Variants in LSAMP observed in about 807,000 individuals in gnomAD.
The protein encoded by LSAMP is limbic system-associated membrane protein.
In LSAMP, 7 loss-of-function variants were observed where a neutral mutation model predicts 38.6. The ratio of observed to expected loss-of-function variants is 0.18; its 90% confidence interval spans 0.10 to 0.34. LSAMP has a LOEUF of 0.34. LSAMP is among the 10% of genes least tolerant of loss of function. The pLI, the probability that LSAMP is intolerant of heterozygous loss-of-function variation, is 1.00. For synonymous variants in LSAMP, 154 were observed against 166.8 expected (o/e 0.92, Z 0.59); for missense variants, 313 against 420.0 (o/e 0.75, Z 2.23).
intron 6 of LSAMP, among the ~76,000 whole-genome samples, chr3:115,835,521 T>C (rs759684165): frequency 6.6e-6 from 1 of 152,238 alleles, no homozygotes; most frequent in Non-Finnish European, 1.5e-5. Flanking sequence ...AATTATATGA[T>C]AGTGTAACAT....
chr3:116,055,975 C>T (rs1469226370), intron 2 of LSAMP, among the ~76,000 whole-genome samples: 4 of 151,598 alleles, frequency 2.6e-5, no homozygotes, highest in Admixed American at 2.6e-4. Flanking sequence ...TTTTTTTCCC[C>T]CAGCTCTTCT....
intron 1 of LSAMP, among the ~76,000 whole-genome samples, chr3:116,234,760 G>A (rs972291486): frequency 1.3e-5 from 2 of 152,020 alleles, no homozygotes; most frequent in South Asian, 2.1e-4. Context: ...TAGATTTCTT[G>A]ATGTTGCTAA....
intron 1 of LSAMP, among the ~76,000 whole-genome samples, chr3:116,309,546 C>A (rs2047528674): frequency 6.6e-6 from 1 of 152,072 alleles, no homozygotes; most frequent in South Asian, 2.1e-4. Context: ...TCTAACCAGT[C>A]CCTGTACTCA....
intron 1 of LSAMP, among the ~76,000 whole-genome samples, chr3:116,201,494 C>T (rs2045985427): frequency 6.6e-6 from 1 of 152,192 alleles, no homozygotes; most frequent in South Asian, 2.1e-4. Context: ...CAGAGTGCCC[C>T]AGTCGCCACA....
At chr3:116,286,778 G>A (rs972020465) in intron 1 of LSAMP, among the ~76,000 whole-genome samples, 2 of 151,738 alleles carry the variant, frequency 1.3e-5, no homozygotes, top group East Asian at 1.9e-4. Flanking sequence ...AATTATGTTT[G>A]GCATCTAGCA....
At chr3:115,908,649 G>T (rs1470888567) in intron 3 of LSAMP, among the ~76,000 whole-genome samples, 1 of 152,152 alleles carries the variant, frequency 6.6e-6, no homozygotes, top group East Asian at 1.9e-4. Flanking sequence ...CACAAAGGAA[G>T]AACATAGGAG....
chr3:116,210,508 C>T (rs2046141743), intron 1 of LSAMP, among the ~76,000 whole-genome samples: 1 of 152,164 alleles, frequency 6.6e-6, no homozygotes, highest in Non-Finnish European at 1.5e-5. Flanking sequence ...AGTGATTTGC[C>T]AGGAGCTCTC....
At chr3:116,162,797 A>ACACT (rs1709930695) in intron 1 of LSAMP, among the ~76,000 whole-genome samples, 1 of 148,448 alleles carries the variant, frequency 6.7e-6, no homozygotes, top group African/African-American at 2.5e-5. Flanking sequence ...ACACACACAC[A>ACACT]CTTTGCTTTC....
chr3:116,316,501 C>T (rs567099884), intron 1 of LSAMP, among the ~76,000 whole-genome samples: 7 of 152,106 alleles, frequency 4.6e-5, no homozygotes, highest in Admixed American at 3.3e-4. Flanking sequence ...GGCCGGGCGC[C>T]GTGGCTCACG....
chr3:116,444,926 G>T lies in LSAMP; in HGVS notation c.106C>A (p.Arg36=), dbSNP rs765575323. Reference sequence around the variant, plus strand: ...CTCACGGTGATGTTGTCCGTGCCTCGGTTAAAATCCACGCTGCGAACAGGC... The same window carrying T: ...CTCACGGTGATGTTGTCCGTGCCTCTGTTAAAATCCACGCTGCGAACAGGC... ...GLPVRSVDFN[R]GTDNITVRQG... is the part of the protein sequence containing the mutation. Residue 36 remains arginine (R), a synonymous_variant, in exon 1 of 7, where the codon CGA becomes AGA. Coordinates refer to ENST00000490035, the MANE Select transcript of LSAMP (RefSeq NM_002338.5). 1 of 1,613,942 alleles carries T rather than the reference G, an allele frequency of 6.2e-7. No individual in the cohort carries two copies. Among genetic ancestry groups the T allele is most frequent in the Admixed American group, 1.7e-5 (1 of 59,986 alleles).
chr3:115,944,103 A>C (rs1026281200), intron 3 of LSAMP, among the ~76,000 whole-genome samples: 2 of 152,118 alleles, frequency 1.3e-5, no homozygotes, highest in African/African-American at 4.8e-5. Context: ...GGTAATGATA[A>C]ATTTCTGACT....
chr3:116,060,198 G>GTTTTTTTTTTTT lies in LSAMP; in HGVS notation c.388+26114_388+26125dup, dbSNP rs55818433. ...TTGCCTAAGTCTTTAAAGCAACATA[G>GTTTTTTTTTTTT]TTTTTTTTTTTTTTACTAGCAGCAT... On this transcript the variant is annotated intron_variant, in intron 2 of 6. Coordinates refer to ENST00000490035, the MANE Select transcript of LSAMP (RefSeq NM_002338.5). Among the ~76,000 whole-genome samples the GTTTTTTTTTTTT allele has an allele frequency of 7.4e-4, 105 of 142,002 alleles. 5 individuals are homozygous for GTTTTTTTTTTTT. The highest frequency in any genetic ancestry group is 2.5e-3 in the African/African-American group (92 of 37,194). The allele number at this position is 142,002 out of a possible 152,430, so 93.2% of individuals were successfully genotyped here. A position where few individuals can be genotyped will look rare whatever the true frequency, so the allele number is the denominator to read the frequency against.
chr3:116,074,431 T>TA (rs1005035192), intron 2 of LSAMP, among the ~76,000 whole-genome samples: 2 of 152,166 alleles, frequency 1.3e-5, no homozygotes, highest in African/African-American at 2.4e-5. Flanking sequence ...ATAATTTTTT[T>TA]AAAAAAATAA....
intron 2 of LSAMP, among the ~76,000 whole-genome samples, chr3:116,072,788 G>C (rs1405003235): frequency 9.9e-6 from 1 of 101,144 alleles, no homozygotes; most frequent in East Asian, 3.2e-4. Context: ...TAAGTTCCTT[G>C]TAGACTCTGA....
At chr3:116,109,205 A>G (rs532844721) in intron 1 of LSAMP, among the ~76,000 whole-genome samples, 24 of 152,352 alleles carry the variant, frequency 1.6e-4, no homozygotes, top group Admixed American at 9.8e-4. Context: ...CTTTGGCTCC[A>G]GCCACCTTTT....
rs182027573 is a variant in LSAMP, at chr3:116,175,736, A to T, written c.156-89180T>A. On this transcript the variant is annotated intron_variant, in intron 1 of 6. Coordinates refer to ENST00000490035, the MANE Select transcript of LSAMP (RefSeq NM_002338.5). ...TTTCTTAAAAAAAGAGACTGGGTCAAAGTGAGTGTCATATGGGTATAAGTA... is the reference window on the plus strand; with the variant it reads ...TTTCTTAAAAAAAGAGACTGGGTCATAGTGAGTGTCATATGGGTATAAGTA... Among the ~76,000 whole-genome samples, 3 of 152,220 alleles carry T rather than the reference A, an allele frequency of 2.0e-5. 1 individual carries two copies. The highest frequency in any genetic ancestry group is 2.0e-4 in the Admixed American group (3 of 15,266).
chr3:115,921,026 C>T (rs1285684141), intron 3 of LSAMP, among the ~76,000 whole-genome samples: 1 of 152,070 alleles, frequency 6.6e-6, no homozygotes, highest in Non-Finnish European at 1.5e-5. Flanking sequence ...CTCCTGCTCT[C>T]TTTCAGTTAC....
intron 1 of LSAMP, among the ~76,000 whole-genome samples, chr3:116,218,970 C>T (rs1218352198): frequency 1.3e-5 from 2 of 152,204 alleles, no homozygotes; most frequent in African/African-American, 4.8e-5. Context: ...GAACACTTAA[C>T]ATGAGATCCA....
chr3:116,149,186 A>T (rs1283839246), intron 1 of LSAMP, among the ~76,000 whole-genome samples: 1 of 151,822 alleles, frequency 6.6e-6, no homozygotes, highest in Non-Finnish European at 1.5e-5. Flanking sequence ...CAATGTGCAG[A>T]CTCCAGGAGA....
Sources: allele counts gnomAD v4.1 joint callset (sites outside exome capture counted in the v4.1 genomes callset), GRCh38; gene constraint gnomAD v4.1.1; transcripts MANE v1.5; gene names NCBI Gene and HGNC (gene_info 2026-07-23, HGNC 2026-07-21).